The following NFATC2 variants were observed in gnomAD, a reference collection of about 807,000 sequenced individuals.
NFATC2 encodes the protein nuclear factor of activated T cells 2.
In NFATC2, 22 loss-of-function variants were observed where a neutral mutation model predicts 87.3. That is an observed-to-expected ratio of 0.25 (90% confidence interval 0.18 to 0.36). NFATC2 has a LOEUF of 0.36. Ranked by LOEUF, NFATC2 falls within the 10% of genes least tolerant of loss-of-function variation. NFATC2 has a pLI of 1.00. For synonymous variants in NFATC2, 565 were observed against 542.2 expected, an observed-to-expected ratio of 1.04 and a Z score of -0.58; for missense variants, 1,149 against 1,259.1, an observed-to-expected ratio of 0.91 and a Z score of 1.32.
At chr20:51,413,897 C>T (rs751581801) in intron 9 of NFATC2, among the ~76,000 whole-genome samples, 3 of 152,212 alleles carry the variant, frequency 2.0e-5, no homozygotes, top group East Asian at 1.9e-4. Context: ...AATGCCTCTG[C>T]GGCTGCCATG....
chr20:51,542,319 C>G, intron 1 of NFATC2, 51 bp downstream of exon 1: 1 of 1,577,710 alleles, frequency 6.3e-7, no homozygotes, highest in Non-Finnish European at 8.6e-7. Context: ...AGTCCCCAGG[C>G]CTGAGCCCCT....
At chr20:51,558,428 C>G (rs574644994) in intron 1 of NFATC2, among the ~76,000 whole-genome samples, 1 of 151,140 alleles carries the variant, frequency 6.6e-6, no homozygotes, top group Non-Finnish European at 1.5e-5. Context: ...GTGAGTTATC[C>G]AATGAGAAAA....
chr20:51,504,999 CTTTTTTTTTTTTTTTTTTTT>C (rs34489487), intron 3 of NFATC2, among the ~76,000 whole-genome samples: 3 of 72,484 alleles, frequency 4.1e-5, no homozygotes, highest in Admixed American at 2.0e-4. Context: ...TATCTAGTTC[CTTTTTTTTTTTTTTTTTTTT>C]TTTTTTTTTT....
At chr20:51,521,211 T>C (rs2076439308) in intron 2 of NFATC2, among the ~76,000 whole-genome samples, 1 of 152,258 alleles carries the variant, frequency 6.6e-6, no homozygotes, top group Non-Finnish European at 1.5e-5. Flanking sequence ...TGCTGTCCAT[T>C]TTCATCTGGT....
At chr20:51,552,099 C>G (rs1422085464) in intron 1 of NFATC2, among the ~76,000 whole-genome samples, 1 of 152,058 alleles carries the variant, frequency 6.6e-6, no homozygotes, top group Non-Finnish European at 1.5e-5. Context: ...TTTTGGGAGG[C>G]CAAGGTGGGA....
At chr20:51,444,985 C>T (rs1984867670) in intron 6 of NFATC2, among the ~76,000 whole-genome samples, 1 of 152,156 alleles carries the variant, frequency 6.6e-6, no homozygotes, top group South Asian at 2.1e-4. Context: ...CCAACCATCC[C>T]CCACCGGGAC....
chr20:51,489,562 A>G (rs1410169723), intron 3 of NFATC2, among the ~76,000 whole-genome samples: 1 of 152,108 alleles, frequency 6.6e-6, no homozygotes, highest in Non-Finnish European at 1.5e-5. Flanking sequence ...CCTTCATTCA[A>G]CTTCTTCTCA....
chr20:51,511,415 G>A (rs905712706), intron 3 of NFATC2, among the ~76,000 whole-genome samples: 14 of 152,184 alleles, frequency 9.2e-5, no homozygotes, highest in African/African-American at 2.7e-4. Flanking sequence ...GTGTGGCCCC[G>A]AGGCATCCCA....
At position 51,480,356 on chromosome 20, in the gene NFATC2, G is replaced by A. The variant is rs149290921; in HGVS notation, c.1333-4696C>T. On this transcript the variant is annotated intron_variant, in intron 3 of 10. Transcript: ENST00000371564. The surrounding 1 kb of genome is among the most constrained non-coding windows in gnomAD (Gnocchi z 4.2). ...GGGCAGGAAGGAGGGAGAAAAGAAGGGGCACAGAGGGAGATGGAGGGAGAG... is the reference window on the plus strand; with the variant it reads ...GGGCAGGAAGGAGGGAGAAAAGAAGAGGCACAGAGGGAGATGGAGGGAGAG... Among the ~76,000 whole-genome samples, 400 of 152,196 alleles carry A rather than the reference G, an allele frequency of 2.6e-3. 1 individual carries two copies. The highest frequency in any genetic ancestry group is 9.3e-3 in the African/African-American group (387 of 41,550).
intron 5 of NFATC2, among the ~76,000 whole-genome samples, chr20:51,461,899 T>G (rs1246807877): frequency 6.6e-6 from 1 of 152,142 alleles, no homozygotes; most frequent in Non-Finnish European, 1.5e-5. Context: ...GCAGATCACT[T>G]GAGGTCAGAA....
intron 5 of NFATC2, among the ~76,000 whole-genome samples, chr20:51,458,691 G>A (rs1228376272): frequency 6.6e-6 from 1 of 151,744 alleles, no homozygotes; most frequent in African/African-American, 2.4e-5. Context: ...GCATGTGTCT[G>A]TAGTCCCAGC....
At chr20:51,489,148 C>T (rs2075838815) in intron 3 of NFATC2, among the ~76,000 whole-genome samples, 2 of 152,358 alleles carry the variant, frequency 1.3e-5, no homozygotes, top group South Asian at 4.2e-4. Flanking sequence ...CAAGATCGTG[C>T]CACTGCACTG....
chr20:51,430,364 C>T (rs1383398662), intron 9 of NFATC2, among the ~76,000 whole-genome samples: 4 of 152,230 alleles, frequency 2.6e-5, no homozygotes, highest in African/African-American at 7.2e-5. Context: ...ATTCTCTACA[C>T]GATTGCCCCC....
chr20:51,395,334 CTTTAATTAACTTGTACG>C (rs1986904017), intron 10 of NFATC2, among the ~76,000 whole-genome samples: 1 of 49,880 alleles, frequency 2.0e-5, no homozygotes, highest in African/African-American at 1.1e-4. Flanking sequence ...GGTATTGATC[CTTTAATTAACTTGTACG>C]GTATTGATCC....
intron 9 of NFATC2, among the ~76,000 whole-genome samples, chr20:51,407,248 G>C (rs569471991): frequency 1.3e-5 from 2 of 152,080 alleles, no homozygotes; most frequent in Non-Finnish European, 2.9e-5. Flanking sequence ...CGGCAAGCAG[G>C]CCTCCGTGCC....
At chr20:51,488,614 C>T (rs1346683017) in intron 3 of NFATC2, among the ~76,000 whole-genome samples, 1 of 120,524 alleles carries the variant, frequency 8.3e-6, no homozygotes, top group East Asian at 2.1e-4. Flanking sequence ...AAAATCTGCA[C>T]TGAAACCCTA....
chr20:51,425,605 G>A (rs926840665), intron 9 of NFATC2, among the ~76,000 whole-genome samples: 19 of 152,240 alleles, frequency 1.2e-4, no homozygotes, highest in Non-Finnish European at 1.6e-4. Flanking sequence ...GGCTTTGCAC[G>A]CCTCCCCACA....
At chr20:51,488,107 C>G (rs561741031) in intron 3 of NFATC2, among the ~76,000 whole-genome samples, 1 of 152,284 alleles carries the variant, frequency 6.6e-6, no homozygotes, top group East Asian at 1.9e-4. Flanking sequence ...CTGAGCCAGT[C>G]TGACTCACCT....
intron 3 of NFATC2, among the ~76,000 whole-genome samples, chr20:51,485,991 C>A (rs1259782709): frequency 2.0e-5 from 3 of 152,062 alleles, no homozygotes; most frequent in Non-Finnish European, 4.4e-5. Context: ...AGGGTGGATT[C>A]TTTGAGGCCA....
Sources: allele counts gnomAD v4.1 joint callset (sites outside exome capture counted in the v4.1 genomes callset), GRCh38; gene constraint gnomAD v4.1.1; non-coding constraint Gnocchi (gnomAD v3.1); transcripts MANE v1.5; gene names NCBI Gene and HGNC (gene_info 2026-07-23, HGNC 2026-07-21).